The following DSCAML1 variants were observed in gnomAD, a reference collection of about 807,000 sequenced individuals.
DSCAML1 encodes the protein DS cell adhesion molecule like 1.
Under a neutral mutation model 200.5 loss-of-function variants are expected in DSCAML1, and 38 were observed. That is an observed-to-expected ratio of 0.19 (90% CI 0.15 to 0.25). The LOEUF (loss-of-function observed/expected upper bound fraction) is 0.25. Ranked by LOEUF, DSCAML1 falls within the 10% of genes least tolerant of loss-of-function variation. The pLI, the probability that DSCAML1 is intolerant of heterozygous loss-of-function variation, is 1.00. For missense variants in DSCAML1, 2,223 were observed against 2,858.8 expected (o/e 0.78, Z 5.07); for synonymous variants, 1,215 against 1,165.0 (o/e 1.04, Z -0.87).
At chr11:117,799,828 G>C (rs2055640632), upstream of DSCAML1, among the ~76,000 whole-genome samples, 1 of 152,234 alleles carries the variant, frequency 6.6e-6, no homozygotes, top group South Asian at 2.1e-4. Context: ...AAGCCCCATG[G>C]CTGACGCATA....
chr11:117,485,851 C>CCAGAG (rs1474995678), intron 11 of DSCAML1, among the ~76,000 whole-genome samples: 1 of 152,190 alleles, frequency 6.6e-6, no homozygotes, highest in Non-Finnish European at 1.5e-5. Context: ...GAGGACCTGG[C>CCAGAG]CAGAGTCAAC....
At chr11:117,542,354 A>C (rs2050287896) in intron 3 of DSCAML1, among the ~76,000 whole-genome samples, 1 of 147,738 alleles carries the variant, frequency 6.8e-6, no homozygotes. Flanking sequence ...CAACAACAAC[A>C]AAAAAAAAAC....
At chr11:117,440,268 G>A (rs1185508208) in intron 21 of DSCAML1, among the ~76,000 whole-genome samples, 1 of 152,190 alleles carries the variant, frequency 6.6e-6, no homozygotes, top group African/African-American at 2.4e-5. Context: ...AAATGCTATG[G>A]TAGGTGCAGG....
intron 3 of DSCAML1, among the ~76,000 whole-genome samples, chr11:117,583,411 G>A (rs554704306): frequency 9.0e-4 from 137 of 152,252 alleles, no homozygotes; most frequent in Non-Finnish European, 1.7e-3. Context: ...TTTAGGCTTC[G>A]TGGTCTGACC....
chr11:117,804,584 T>C lies in DSCAML1; in HGVS notation c.-250+12806A>G, dbSNP rs142154655. The stretch of plus-strand genomic sequence containing the variant: ...TACGTATCTTTTTTCTTTTCTGACA[T>C]AATTTCTAGACCTTTCCCTATTCTG... On this transcript the variant is annotated intron_variant, in intron 1 of 2. Transcript: ENST00000525836. Among the ~76,000 whole-genome samples the C allele has an allele frequency of 2.0e-3, 302 of 152,318 alleles. 3 individuals are homozygous for C. Among genetic ancestry groups the C allele is most frequent in the Non-Finnish European group, 2.1e-3 (140 of 68,030 alleles).
chr11:117,629,776 T>C (rs922479962), intron 3 of DSCAML1, among the ~76,000 whole-genome samples: 1 of 151,424 alleles, frequency 6.6e-6, no homozygotes, highest in Non-Finnish European at 1.5e-5. Flanking sequence ...GTGGAAGGAG[T>C]GTGTAAGGCC....
intron 3 of DSCAML1, among the ~76,000 whole-genome samples, chr11:117,695,937 G>A (rs896356430): frequency 6.6e-6 from 1 of 152,230 alleles, no homozygotes; most frequent in Non-Finnish European, 1.5e-5. Context: ...TTTAGAACAT[G>A]TAATAGCAGC....
intron 1 of DSCAML1, among the ~76,000 whole-genome samples, chr11:117,810,722 G>A (rs996496689): frequency 2.0e-5 from 3 of 152,166 alleles, no homozygotes; most frequent in African/African-American, 7.2e-5. Context: ...CCGGAAAACA[G>A]CTCTTTCAAT....
intron 1 of DSCAML1, among the ~76,000 whole-genome samples, chr11:117,811,892 T>C (rs1420622131): frequency 6.6e-6 from 1 of 152,168 alleles, no homozygotes; most frequent in East Asian, 1.9e-4. Context: ...CAAAGGCCTG[T>C]TTCCCTTGCC....
intron 18 of DSCAML1, among the ~76,000 whole-genome samples, chr11:117,461,109 A>C (rs1046803924): frequency 5.3e-5 from 8 of 151,668 alleles, no homozygotes; most frequent in African/African-American, 1.7e-4. Context: ...TCATGCCCCC[A>C]ACACTTCCCC....
intron 3 of DSCAML1, among the ~76,000 whole-genome samples, chr11:117,612,313 G>A (rs767845527): frequency 6.6e-6 from 1 of 152,230 alleles, no homozygotes; most frequent in African/African-American, 2.4e-5. Context: ...TTCCCACGCC[G>A]GAACCCAGGC....
At chr11:117,519,147 T>C (rs1245343921) in intron 6 of DSCAML1, among the ~76,000 whole-genome samples, 2 of 152,240 alleles carry the variant, frequency 1.3e-5, no homozygotes, top group African/African-American at 4.8e-5. Flanking sequence ...TTGTAATTTC[T>C]TGATAAATGC....
At chr11:117,542,314 A>C (rs1243189336) in intron 3 of DSCAML1, among the ~76,000 whole-genome samples, 3 of 102,796 alleles carry the variant, frequency 2.9e-5, no homozygotes, top group Non-Finnish European at 6.4e-5. Context: ...AAACAAAACA[A>C]AACAAAACAA....
chr11:117,757,961 C>T (rs926340666), intron 3 of DSCAML1, among the ~76,000 whole-genome samples: 5 of 151,756 alleles, frequency 3.3e-5, no homozygotes, highest in Admixed American at 6.6e-5. Flanking sequence ...TTGCATCCAG[C>T]GGGGATAACA....
In DSCAML1 at chr11:117,759,563, T is replaced by G. The variant is rs532838607; in HGVS notation, c.511+17228A>C. 8.5e-5 allele frequency among the ~76,000 whole-genome samples: 13 copies of G among 152,158 alleles called. No homozygotes were observed. In the South Asian group the frequency reaches 2.5e-3, roughly 29 times the overall value. On this transcript the variant is annotated intron_variant, in intron 3 of 32. Transcript: ENST00000651296. ...CTTTCTCTTGTAATGTGAGCTGGAG[T>G]TGGGAGTAGGCTTCTCCATGAGGGC...
At chr11:117,630,395 T>C (rs2052145761) in intron 3 of DSCAML1, among the ~76,000 whole-genome samples, 1 of 151,778 alleles carries the variant, frequency 6.6e-6, no homozygotes, top group Non-Finnish European at 1.5e-5. Context: ...GACACACAGA[T>C]CTCCACTCCC....
chr11:117,810,234 G>GGCGCCCTC (rs1431382029), intron 1 of DSCAML1, among the ~76,000 whole-genome samples: 37 of 150,106 alleles, frequency 2.5e-4, no homozygotes, highest in Middle Eastern at 3.4e-3. Context: ...CCCAAACTCC[G>GGCGCCCTC]TGGACCCAAA....
At chr11:117,450,495 G>A (rs976568279) in intron 20 of DSCAML1, 54 bp downstream of exon 20, 12 of 1,585,420 alleles carry the variant, frequency 7.6e-6, no homozygotes, top group Admixed American at 3.5e-5. Context: ...TGATGTACAA[G>A]GTCCCTTTTC....
At chr11:117,441,447 T>C (rs1239128759) in intron 21 of DSCAML1, among the ~76,000 whole-genome samples, 1 of 152,144 alleles carries the variant, frequency 6.6e-6, no homozygotes, top group Non-Finnish European at 1.5e-5. Flanking sequence ...AGGATCAGCA[T>C]GCACAGGCAC....
Sources: allele counts gnomAD v4.1 joint callset (sites outside exome capture counted in the v4.1 genomes callset), GRCh38; gene constraint gnomAD v4.1.1; transcripts MANE v1.5; gene names NCBI Gene and HGNC (gene_info 2026-07-23, HGNC 2026-07-21).